The following NALF1 variants were observed in gnomAD, a reference collection of about 807,000 sequenced individuals.
NALF1 encodes family with sequence similarity 155 member A.
A neutral mutation model predicts 48.4 loss-of-function variants in NALF1; 3 were observed. The ratio of observed to expected loss-of-function variants is 0.06; its 90% CI spans 0.03 to 0.16. NALF1 has a LOEUF of 0.16. NALF1 is among the 10% of genes least tolerant of loss of function. The probability of loss-of-function intolerance (pLI) is 1.00; values close to 1 mark genes in which losing one functional copy is unlikely to be tolerated. For synonymous variants in NALF1, 262 were observed against 245.7 expected (o/e 1.07, Z -0.62); for missense variants, 526 against 571.5 (o/e 0.92, Z 0.81).
At chr13:107,542,496 AG>A (rs1256280021) in intron 1 of NALF1, among the ~76,000 whole-genome samples, 1 of 152,274 alleles carries the variant, frequency 6.6e-6, no homozygotes, top group African/African-American at 2.4e-5. Flanking sequence ...ATGGTATGTC[AG>A]TTATAAGTCA....
At position 107,167,464 on chromosome 13, in the gene NALF1, C is replaced by T. The variant is rs894348872; in HGVS notation, c.*3033G>A. On this transcript the variant is annotated 3_prime_UTR_variant, in exon 3 of 3. Transcript: ENST00000375915. ...TTGCCTATTTGGATCCTCTGCCTGACCCCAGAAGAAGCTGCTTTGCTTCAA... is the reference window on the plus strand; with the variant it reads ...TTGCCTATTTGGATCCTCTGCCTGATCCCAGAAGAAGCTGCTTTGCTTCAA... The T allele has an allele frequency of 2.0e-5, 3 of 152,212 alleles. No homozygotes were observed. The highest frequency in any genetic ancestry group is 7.2e-5 in the African/African-American group (3 of 41,442). 9.4% of individuals were successfully genotyped at this position (152,212 alleles called of 1,614,324 possible). A position where few individuals can be genotyped will look rare whatever the true frequency, so the allele number is the denominator to read the frequency against.
chr13:107,631,826 G>A (rs757260202), intron 1 of NALF1, among the ~76,000 whole-genome samples: 5 of 152,094 alleles, frequency 3.3e-5, no homozygotes, highest in Non-Finnish European at 7.4e-5. Context: ...AGTATTTCAT[G>A]AGTACCTTTT....
chr13:107,312,193 C>A (rs1427455740), intron 1 of NALF1, among the ~76,000 whole-genome samples: 1 of 152,074 alleles, frequency 6.6e-6, no homozygotes, highest in Non-Finnish European at 1.5e-5. Context: ...CAATGATAGA[C>A]TGGATTAAGA....
At chr13:107,509,955 C>T (rs979957701) in intron 1 of NALF1, among the ~76,000 whole-genome samples, 24 of 152,100 alleles carry the variant, frequency 1.6e-4, no homozygotes, top group Middle Eastern at 3.4e-3. Flanking sequence ...CACAGGTATG[C>T]GCCACCATGC....
intron 1 of NALF1, among the ~76,000 whole-genome samples, chr13:107,602,367 G>T (rs958178485): frequency 6.6e-6 from 1 of 152,104 alleles, no homozygotes; most frequent in Non-Finnish European, 1.5e-5. Context: ...AGGCACACTC[G>T]ACTAAAATAA....
intron 1 of NALF1, among the ~76,000 whole-genome samples, chr13:107,638,517 C>G (rs1193327070): frequency 6.6e-6 from 1 of 151,938 alleles, no homozygotes; most frequent in Non-Finnish European, 1.5e-5. Context: ...TTGAAGGAGT[C>G]TCATAACTTG....
At chr13:107,224,112 C>A (rs1880052120) in intron 1 of NALF1, among the ~76,000 whole-genome samples, 1 of 151,714 alleles carries the variant, frequency 6.6e-6, no homozygotes, top group African/African-American at 2.4e-5. Flanking sequence ...AATTAACAAT[C>A]CTTAATAATA....
At chr13:107,826,193 A>G (rs112663042) in intron 1 of NALF1, among the ~76,000 whole-genome samples, 1 of 152,246 alleles carries the variant, frequency 6.6e-6, no homozygotes, top group African/African-American at 2.4e-5. Context: ...AAGCAGAGAA[A>G]GAGACGGAAC....
chr13:107,284,593 T>C (rs1028600321), intron 1 of NALF1, among the ~76,000 whole-genome samples: 1 of 151,986 alleles, frequency 6.6e-6, no homozygotes, highest in African/African-American at 2.4e-5. Context: ...CTCAAATTCG[T>C]ATGTTGAAGC....
At chr13:107,809,251 T>C (rs1253999957) in intron 1 of NALF1, among the ~76,000 whole-genome samples, 1 of 152,030 alleles carries the variant, frequency 6.6e-6, no homozygotes, top group Non-Finnish European at 1.5e-5. Flanking sequence ...AAATATGTTT[T>C]TACCTAGACG....
chr13:107,768,691 T>C (rs534963798), intron 1 of NALF1, among the ~76,000 whole-genome samples: 1 of 152,268 alleles, frequency 6.6e-6, no homozygotes, highest in South Asian at 2.1e-4. Flanking sequence ...ACATTAATAA[T>C]GAACAGCAGC....
At position 107,603,149 on chromosome 13, in the gene NALF1, G is replaced by C. The variant is rs554498048; in HGVS notation, c.915+262533C>G. On this transcript the variant is annotated intron_variant, in intron 1 of 2. Transcript: ENST00000375915. ...AAAACGATCATTTTTATTTTTCATT[G>C]TACTGATATGCAATTTAATTATTAG... 1.6e-3 allele frequency among the ~76,000 whole-genome samples: 243 copies of C among 152,080 alleles called. 1 individual carries two copies. Among genetic ancestry groups the C allele is most frequent in the African/African-American group, 5.5e-3 (228 of 41,504 alleles).
intron 1 of NALF1, among the ~76,000 whole-genome samples, chr13:107,648,745 A>G (rs1365424369): frequency 6.6e-6 from 1 of 152,168 alleles, no homozygotes; most frequent in Non-Finnish European, 1.5e-5. Context: ...TTAGTTGTGT[A>G]TGAAACTCTC....
At chr13:107,729,046 G>A (rs1016482687) in intron 1 of NALF1, among the ~76,000 whole-genome samples, 3 of 152,132 alleles carry the variant, frequency 2.0e-5, no homozygotes, top group African/African-American at 7.2e-5. Flanking sequence ...GGGAAGCAGC[G>A]AATAGCCTTT....
At chr13:107,844,456 T>C (rs1464853883) in intron 1 of NALF1, among the ~76,000 whole-genome samples, 1 of 152,162 alleles carries the variant, frequency 6.6e-6, no homozygotes, top group Non-Finnish European at 1.5e-5. Context: ...ACAAAATGCT[T>C]TACCTTTGGA....
Position 107,292,613 on chromosome 13 carries a change from A to G in NALF1, c.916-81858T>C, listed in dbSNP as rs554944529. On this transcript the variant is annotated intron_variant, in intron 1 of 2. Coordinates refer to ENST00000375915, the MANE Select transcript of NALF1 (RefSeq NM_001080396.3). The stretch of plus-strand genomic sequence containing the variant: ...CACCTCCACTTCTTGTTCCACTGGA[A>G]GATCTTCAGAGGCAATAACAGGCAT... Among the ~76,000 whole-genome samples the G allele has an allele frequency of 2.0e-5, 3 of 152,308 alleles. No individual in the cohort carries two copies. In the East Asian group the frequency reaches 5.8e-4, roughly 29 times the overall value.
intron 1 of NALF1, among the ~76,000 whole-genome samples, chr13:107,666,146 T>C (rs1253711262): frequency 6.6e-6 from 1 of 152,114 alleles, no homozygotes; most frequent in Non-Finnish European, 1.5e-5. Context: ...TGGTGAAGTT[T>C]TTCTGGGCAT....
intron 2 of NALF1, among the ~76,000 whole-genome samples, chr13:107,189,067 C>T (rs932514581): frequency 1.3e-5 from 2 of 152,020 alleles, no homozygotes; most frequent in Admixed American, 1.3e-4. Flanking sequence ...AATCAAAGGC[C>T]CACATTAAAA....
chr13:107,733,529 A>T (rs1273327871), intron 1 of NALF1, among the ~76,000 whole-genome samples: 1 of 152,212 alleles, frequency 6.6e-6, no homozygotes, highest in Non-Finnish European at 1.5e-5. Context: ...ATGTATCTTT[A>T]AAAAACAAAA....
Sources: gnomAD v4.1 joint callset for allele counts (sites outside exome capture counted in the v4.1 genomes callset) on GRCh38, gnomAD v4.1.1 for gene constraint, MANE v1.5 for transcripts, NCBI Gene and HGNC (gene_info 2026-07-23, HGNC 2026-07-21) for gene names.